The following KPNA3 variants were observed in gnomAD, a reference collection of about 807,000 sequenced individuals.
KPNA3 encodes the protein karyopherin subunit alpha 3.
KPNA3 carries 13 observed loss-of-function variants against 73.8 expected under a neutral mutation model. The observed-to-expected ratio is 0.18, with a 90% CI of 0.11 to 0.28. The LOEUF (loss-of-function observed/expected upper bound fraction) is 0.28. Among genes scored for constraint, KPNA3 ranks in the 10% least tolerant of loss-of-function variants. KPNA3 has a pLI of 1.00. For missense variants in KPNA3, 360 were observed against 618.1 expected, an observed-to-expected ratio of 0.58 and a Z score of 4.43; for synonymous variants, 186 against 206.9, an observed-to-expected ratio of 0.90 and a Z score of 0.87.
rs1204494087 is a variant in KPNA3, at chr13:49,706,131, G to C, written c.1176C>G (p.Ile392Met). ...FGTQKEAAWA[I>M]SNLTISGRKD... ...TTCTGCCACTTATTGTTAAGTTGCT[G>C]ATTGCCCAAGCAGCTTCTTTTTGTG... is the stretch of plus-strand genomic sequence containing the variant. Residue 392 changes from isoleucine to methionine, a missense_variant, in exon 14 of 17, where the codon ATC (isoleucine) becomes ATG (methionine). Coordinates refer to ENST00000261667, the MANE Select transcript of KPNA3 (RefSeq NM_002267.4). The C allele has an allele frequency of 6.2e-7, 1 of 1,613,862 alleles. No homozygotes were observed. Among genetic ancestry groups the C allele is most frequent in the Non-Finnish European group, 8.5e-7 (1 of 1,179,958 alleles).
chr13:49,770,337 G>C (rs934679798), intron 1 of KPNA3, among the ~76,000 whole-genome samples: 1 of 151,494 alleles, frequency 6.6e-6, no homozygotes, highest in African/African-American at 2.4e-5. Context: ...CACCACACCA[G>C]GCAAATTTTT....
At chr13:49,745,523 C>A (rs2137567928) in intron 2 of KPNA3, among the ~76,000 whole-genome samples, 1 of 152,052 alleles carries the variant, frequency 6.6e-6, no homozygotes, top group South Asian at 2.1e-4. Context: ...CCACACCCAA[C>A]TAATTTTTGT....
intron 1 of KPNA3, among the ~76,000 whole-genome samples, chr13:49,768,055 A>G (rs1229030799): frequency 6.6e-6 from 1 of 152,154 alleles, no homozygotes; most frequent in South Asian, 2.1e-4. Flanking sequence ...CAAAGCAGGC[A>G]TATCACAAGG....
chr13:49,754,620 C>CAA (rs3064501), intron 1 of KPNA3, among the ~76,000 whole-genome samples: 26,769 of 126,058 alleles, frequency 0.21, 3,024 homozygotes, highest in South Asian at 0.26. Context: ...CTAGTTCTTT[C>CAA]AAAAAAAAAA....
intron 6 of KPNA3, among the ~76,000 whole-genome samples, chr13:49,728,222 G>A (rs369389468): frequency 1.9e-3 from 281 of 146,526 alleles, no homozygotes; most frequent in Non-Finnish European, 3.0e-3. Context: ...GCGACAGAGC[G>A]AGACTCTGTC....
At chr13:49,708,032 G>A (rs1954224285) in intron 12 of KPNA3, among the ~76,000 whole-genome samples, 1 of 137,106 alleles carries the variant, frequency 7.3e-6, no homozygotes. Context: ...GTCTTGCTCT[G>A]TCGCCCAGGC....
At chr13:49,703,366 G>T (rs915908193) in intron 15 of KPNA3, among the ~76,000 whole-genome samples, 4 of 151,024 alleles carry the variant, frequency 2.6e-5, no homozygotes, top group Admixed American at 6.6e-5. Flanking sequence ...GTTTTTAGTA[G>T]AGACGGGGTT....
At chr13:49,703,965 A>C (rs910996420) in intron 15 of KPNA3, among the ~76,000 whole-genome samples, 1 of 152,190 alleles carries the variant, frequency 6.6e-6, no homozygotes, top group African/African-American at 2.4e-5. Context: ...GCTGAAGAGT[A>C]GTAATTCTCT....
In KPNA3 at chr13:49,746,915, T is replaced by G. The variant is rs1231210071; in HGVS notation, c.114+34A>C. 2.0e-6 allele frequency: 3 copies of G among 1,517,656 alleles called. No individual in the cohort carries two copies. The African/African-American group carries it at 4.1e-5, about 21-fold the overall frequency. The allele number at this position is 1,517,656 out of a possible 1,614,324, so 94.0% of individuals were successfully genotyped here. ...ACAGAATTTTAACATCAGAAAAATC[T>G]AATTACTTTTCTTTAAATGTAAATC... On this transcript the variant is annotated intron_variant, in intron 2 of 16. Coordinates refer to ENST00000261667, the MANE Select transcript of KPNA3 (RefSeq NM_002267.4).
intron 15 of KPNA3, among the ~76,000 whole-genome samples, chr13:49,703,690 C>G (rs1954174052): frequency 6.6e-6 from 1 of 152,062 alleles, no homozygotes; most frequent in South Asian, 2.1e-4. Flanking sequence ...GAAAATATTT[C>G]CAGAACAGAT....
At chr13:49,763,738 A>T (rs1954787196) in intron 1 of KPNA3, among the ~76,000 whole-genome samples, 1 of 152,156 alleles carries the variant, frequency 6.6e-6, no homozygotes, top group South Asian at 2.1e-4. Flanking sequence ...GTTCAAGACC[A>T]GCCTGGCCAA....
Position 49,701,125 on chromosome 13 carries a change from T to C in KPNA3, c.*675A>G, listed in dbSNP as rs1360262016. On this transcript the variant is annotated 3_prime_UTR_variant, in exon 17 of 17. Transcript: ENST00000261667. Reference sequence around the variant, plus strand: ...ATAATGGCAAAAGCATTAATATCCATATCTAAAGTTCTTCCTCCAACCCTG... The same window carrying C: ...ATAATGGCAAAAGCATTAATATCCACATCTAAAGTTCTTCCTCCAACCCTG... 1 of 161,276 alleles carries C rather than the reference T, an allele frequency of 6.2e-6. No homozygotes were observed. The highest frequency in any genetic ancestry group is 1.4e-5 in the Non-Finnish European group (1 of 73,710). The allele number at this position is 161,276 out of a possible 1,614,324, so 10.0% of individuals were successfully genotyped here. A position where few individuals can be genotyped will look rare whatever the true frequency, so the allele number is the denominator to read the frequency against.
chr13:49,781,586 G>A (rs1172759540), intron 1 of KPNA3, among the ~76,000 whole-genome samples: 1 of 152,164 alleles, frequency 6.6e-6, no homozygotes, highest in Non-Finnish European at 1.5e-5. Context: ...AATAGCTGCT[G>A]AGTGACATAA....
At chr13:49,770,842 A>G (rs138009738) in intron 1 of KPNA3, among the ~76,000 whole-genome samples, 2,345 of 151,192 alleles carry the variant, frequency 0.016, 52 homozygotes, top group African/African-American at 0.054. Flanking sequence ...ACCAAAAAAA[A>G]AAAAAAAAAA....
In KPNA3 at chr13:49,706,511, C is replaced by T. The variant is rs1056595002; in HGVS notation, c.1033-139G>A. ...TGCACCTAAAAAGTGATTAGGTATA[C>T]AAAATCTTCCATTTTAAACAAGTTA... On this transcript the variant is annotated intron_variant, in intron 12 of 16. Coordinates refer to ENST00000261667, the MANE Select transcript of KPNA3 (RefSeq NM_002267.4). 1.1e-5 allele frequency: 6 copies of T among 560,012 alleles called. No individual in the cohort carries two copies. The African/African-American group carries it at 1.1e-4, about 11-fold the overall frequency. The allele number at this position is 560,012 out of a possible 1,614,324, so 34.7% of individuals were successfully genotyped here.
At chr13:49,742,971 T>C (rs1420555062) in intron 2 of KPNA3, among the ~76,000 whole-genome samples, 1 of 151,868 alleles carries the variant, frequency 6.6e-6, no homozygotes, top group Non-Finnish European at 1.5e-5. Flanking sequence ...CTTAATCGAC[T>C]ACATAGCCAC....
intron 7 of KPNA3, among the ~76,000 whole-genome samples, chr13:49,725,110 T>C (rs1954397574): frequency 6.6e-6 from 1 of 152,188 alleles, no homozygotes; most frequent in Non-Finnish European, 1.5e-5. Flanking sequence ...ATTTAAAATA[T>C]GTCATAAGCT....
chr13:49,717,214 T>C (rs753326935), intron 10 of KPNA3, among the ~76,000 whole-genome samples: 1 of 152,114 alleles, frequency 6.6e-6, no homozygotes, highest in South Asian at 2.1e-4. Context: ...AAATCTACAA[T>C]GACTCTGCAG....
At chr13:49,778,302 C>CAGTT (rs1274634797) in intron 1 of KPNA3, among the ~76,000 whole-genome samples, 1 of 152,182 alleles carries the variant, frequency 6.6e-6, no homozygotes, top group African/African-American at 2.4e-5. Context: ...AAGTTTTGGC[C>CAGTT]AGTTAAAAGG....
Sources: allele counts gnomAD v4.1 joint callset (sites outside exome capture counted in the v4.1 genomes callset), GRCh38; gene constraint gnomAD v4.1.1; transcripts MANE v1.5; gene names NCBI Gene and HGNC (gene_info 2026-07-23, HGNC 2026-07-21).